The following LINGO2 variants were observed in gnomAD, a reference collection of about 807,000 sequenced individuals.
The protein encoded by LINGO2 is leucine-rich repeat and immunoglobulin-like domain-containing nogo receptor-interacting protein 2.
Under a neutral mutation model 30.6 loss-of-function variants are expected in LINGO2, and 14 were observed. That is an observed-to-expected ratio of 0.46 (90% confidence interval 0.30 to 0.72). LINGO2 has a LOEUF of 0.72. LINGO2 is among the 30% of genes least tolerant of loss of function. The probability of loss-of-function intolerance (pLI) is 0.07; values close to 1 mark genes in which losing one functional copy is unlikely to be tolerated. For synonymous variants in LINGO2, 317 were observed against 288.5 expected, an observed-to-expected ratio of 1.10 and a Z score of -1.00; for missense variants, 729 against 751.7, an observed-to-expected ratio of 0.97 and a Z score of 0.35.
At chr9:28,175,514 T>C (rs1828726634) in intron 4 of LINGO2, among the ~76,000 whole-genome samples, 1 of 152,144 alleles carries the variant, frequency 6.6e-6, no homozygotes, top group Admixed American at 6.5e-5. Context: ...ACATCCTCAA[T>C]GAGACATTGC....
At chr9:28,141,867 G>A (rs745423165) in intron 4 of LINGO2, among the ~76,000 whole-genome samples, 9 of 152,162 alleles carry the variant, frequency 5.9e-5, no homozygotes, top group Admixed American at 1.3e-4. Context: ...AGCCGAGATC[G>A]CGCCATTGCA....
At chr9:28,402,233 G>C (rs1185882142) in intron 2 of LINGO2, among the ~76,000 whole-genome samples, 1 of 151,916 alleles carries the variant, frequency 6.6e-6, no homozygotes, top group Non-Finnish European at 1.5e-5. Context: ...CTTAGGATAG[G>C]CATTATGAAA....
At chr9:28,458,308 A>G (rs1008268818) in intron 2 of LINGO2, among the ~76,000 whole-genome samples, 2 of 152,190 alleles carry the variant, frequency 1.3e-5, no homozygotes, top group Non-Finnish European at 2.9e-5. Flanking sequence ...ACAAGCTCCT[A>G]TATTTTTATA....
chr9:28,057,049 T>A (rs2133101366), intron 4 of LINGO2, among the ~76,000 whole-genome samples: 1 of 152,204 alleles, frequency 6.6e-6, no homozygotes, highest in South Asian at 2.1e-4. Context: ...AAAATGAAAA[T>A]CTACATGATA....
At chr9:27,998,909 T>C (rs1430036014) in intron 5 of LINGO2, among the ~76,000 whole-genome samples, 1 of 152,110 alleles carries the variant, frequency 6.6e-6, no homozygotes, top group Non-Finnish European at 1.5e-5. Flanking sequence ...TGTTACACCA[T>C]ACAAATTTTA....
chr9:28,810,591 G>A, the LINGO2 span, among the ~76,000 whole-genome samples: 1 of 152,118 alleles, frequency 6.6e-6, no homozygotes, highest in Non-Finnish European at 1.5e-5. Context: ...CATAAAAGCA[G>A]AGAAATGGTG....
At chr9:28,666,929 A>G (rs1563903374) in intron 1 of LINGO2, among the ~76,000 whole-genome samples, 1 of 152,212 alleles carries the variant, frequency 6.6e-6, no homozygotes, top group African/African-American at 2.4e-5. Flanking sequence ...TTTTAAAAAA[A>G]TATTCTTTAT....
chr9:29,041,559 A>G, the LINGO2 span, among the ~76,000 whole-genome samples: 1 of 151,988 alleles, frequency 6.6e-6, no homozygotes, highest in Non-Finnish European at 1.5e-5. Flanking sequence ...GGGTAACCAG[A>G]GTTAAGAAAA....
intron 1 of LINGO2, among the ~76,000 whole-genome samples, chr9:28,575,141 C>T (rs937566378): frequency 5.3e-5 from 8 of 152,114 alleles, no homozygotes; most frequent in African/African-American, 1.9e-4. Context: ...TGGTGGCTCA[C>T]GCCTGTAATC....
intron 1 of LINGO2, among the ~76,000 whole-genome samples, chr9:28,639,606 G>C (rs9696202): frequency 0.28 from 42,264 of 151,798 alleles, 6,778 homozygotes; most frequent in African/African-American, 0.45. Flanking sequence ...ATCTTTGTTG[G>C]TTTAAAGTCT....
At chr9:28,894,993 C>T in the LINGO2 span, among the ~76,000 whole-genome samples, 1 of 152,194 alleles carries the variant, frequency 6.6e-6, no homozygotes, top group Non-Finnish European at 1.5e-5. Context: ...CAACAACTGT[C>T]ACAGAAATTA....
At chr9:28,712,925 G>A in the LINGO2 span, among the ~76,000 whole-genome samples, 2 of 151,814 alleles carry the variant, frequency 1.3e-5, no homozygotes, top group Non-Finnish European at 2.9e-5. Flanking sequence ...GAGTGCAATG[G>A]CCTGATCTCC....
chr9:28,706,586 A>G, the LINGO2 span, among the ~76,000 whole-genome samples: 1 of 152,160 alleles, frequency 6.6e-6, no homozygotes, highest in Non-Finnish European at 1.5e-5. Flanking sequence ...TTAAAACAAG[A>G]TGACCCTTCT....
intron 4 of LINGO2, among the ~76,000 whole-genome samples, chr9:28,203,750 A>G (rs1043861156): frequency 6.6e-6 from 1 of 152,228 alleles, no homozygotes; most frequent in Non-Finnish European, 1.5e-5. Flanking sequence ...AGAACACAAC[A>G]CTTGTTTTGA....
At chr9:28,457,593 C>T (rs560715452) in intron 2 of LINGO2, among the ~76,000 whole-genome samples, 3 of 151,148 alleles carry the variant, frequency 2.0e-5, no homozygotes, top group African/African-American at 7.3e-5. Context: ...AAAAAGAAAA[C>T]AAAAATTAAA....
At chr9:28,136,936 T>G (rs1347967882) in intron 4 of LINGO2, among the ~76,000 whole-genome samples, 1 of 152,136 alleles carries the variant, frequency 6.6e-6, no homozygotes, top group Non-Finnish European at 1.5e-5. Context: ...TAAGGGAGAA[T>G]TAGATTTTTC....
intron 1 of LINGO2, among the ~76,000 whole-genome samples, chr9:28,523,065 A>G (rs1480360576): frequency 6.6e-6 from 1 of 152,132 alleles, no homozygotes; most frequent in East Asian, 1.9e-4. Context: ...TAACACAGCC[A>G]TAATTTAAAT....
the LINGO2 span, among the ~76,000 whole-genome samples, chr9:28,769,508 ATATATATATATTTTTTTTTTTTTTTTT>A: frequency 6.0e-3 from 17 of 2,832 alleles, no homozygotes; most frequent in Middle Eastern, 0.17. Flanking sequence ...ATATATATAT[ATATATATATATTTTTTTTTTTTTTTTT>A]TTTTTTTTTT....
chr9:28,081,308 GTTCACA>G (rs1825766928), intron 4 of LINGO2, among the ~76,000 whole-genome samples: 1 of 145,070 alleles, frequency 6.9e-6, no homozygotes, highest in Admixed American at 6.9e-5. Context: ...AAAAAAAAAA[GTTCACA>G]TTCACATTTT....
Sources: gnomAD v4.1 joint callset for allele counts (sites outside exome capture counted in the v4.1 genomes callset) on GRCh38, gnomAD v4.1.1 for gene constraint, MANE v1.5 for transcripts, NCBI Gene and HGNC (gene_info 2026-07-23, HGNC 2026-07-21) for gene names.